CSMD3: variants seen among roughly 807,000 people sequenced by gnomAD.
CSMD3 encodes the protein CUB and sushi domain-containing protein 3.
A neutral mutation model predicts 435.2 loss-of-function variants in CSMD3; 177 were observed. The ratio of observed to expected loss-of-function variants is 0.41; its 90% confidence interval spans 0.36 to 0.46. The LOEUF (loss-of-function observed/expected upper bound fraction) is 0.46. Ranked by LOEUF, CSMD3 falls within the 20% of genes least tolerant of loss-of-function variation. CSMD3 has a pLI of 0.34. For synonymous variants in CSMD3, 1,656 were observed against 1,520.5 expected, an observed-to-expected ratio of 1.09 and a Z score of -2.07; for missense variants, 4,265 against 4,504.6, an observed-to-expected ratio of 0.95 and a Z score of 1.52.
chr8:112,493,145 G>C (rs942379600), intron 30 of CSMD3, among the ~76,000 whole-genome samples: 5 of 151,998 alleles, frequency 3.3e-5, no homozygotes, highest in South Asian at 2.1e-4. Context: ...GTGCATATCT[G>C]ACAAATTGCT....
chr8:112,368,898 A>G (rs1563850380), intron 38 of CSMD3, among the ~76,000 whole-genome samples: 1 of 152,202 alleles, frequency 6.6e-6, no homozygotes, highest in African/African-American at 2.4e-5. Context: ...AAATACCTCT[A>G]TGAAACATTT....
intron 6 of CSMD3, among the ~76,000 whole-genome samples, chr8:113,002,827 T>G (rs2085913881): frequency 6.6e-6 from 1 of 152,298 alleles, no homozygotes; most frequent in African/African-American, 2.4e-5. Flanking sequence ...ACAATTGACC[T>G]TTGTGTTTTT....
At chr8:112,349,522 T>C (rs1368013218) in intron 40 of CSMD3, among the ~76,000 whole-genome samples, 4 of 152,042 alleles carry the variant, frequency 2.6e-5, no homozygotes, top group African/African-American at 4.8e-5. Flanking sequence ...AAAAAACATA[T>C]TTATTTTACT....
intron 2 of CSMD3, chr8:113,312,926 C>G (rs770766555): frequency 6.6e-6 from 1 of 151,918 alleles, no homozygotes; most frequent in African/African-American, 2.4e-5. Context: ...ACTCGGTAAA[C>G]GAGTATAGAG....
At chr8:112,790,718 TA>T (rs1389148812) in intron 13 of CSMD3, among the ~76,000 whole-genome samples, 2 of 152,148 alleles carry the variant, frequency 1.3e-5, no homozygotes, top group African/African-American at 2.4e-5. Context: ...CTTCAACATT[TA>T]AAAAATGAAT....
intron 1 of CSMD3, among the ~76,000 whole-genome samples, chr8:113,372,806 C>T (rs1263858617): frequency 1.3e-5 from 2 of 151,746 alleles, no homozygotes; most frequent in Non-Finnish European, 2.9e-5. Context: ...TGGTGGCGGG[C>T]GCCTGTAGTC....
intron 24 of CSMD3, among the ~76,000 whole-genome samples, chr8:112,559,090 T>A (rs1166642829): frequency 6.6e-6 from 1 of 151,842 alleles, no homozygotes; most frequent in Non-Finnish European, 1.5e-5. Flanking sequence ...GCTTTCTGAA[T>A]GAATTTGCTA....
At chr8:113,406,605 T>G (rs1248696032) in intron 1 of CSMD3, among the ~76,000 whole-genome samples, 1 of 152,000 alleles carries the variant, frequency 6.6e-6, no homozygotes, top group Non-Finnish European at 1.5e-5. Context: ...TGTGTGTATG[T>G]GCATACATAA....
chr8:113,266,098 C>G (rs570175146), intron 3 of CSMD3, among the ~76,000 whole-genome samples: 22 of 149,148 alleles, frequency 1.5e-4, no homozygotes, highest in African/African-American at 5.4e-4. Flanking sequence ...TGACTTGATT[C>G]TAAATTGTAA....
At chr8:113,011,506 A>C (rs144725460) in intron 6 of CSMD3, among the ~76,000 whole-genome samples, 261 of 151,902 alleles carry the variant, frequency 1.7e-3, no homozygotes, top group African/African-American at 6.0e-3. Flanking sequence ...CAGAAATTTG[A>C]GACAGGAGGT....
chr8:112,403,610 G>C (rs1831517025), intron 35 of CSMD3, among the ~76,000 whole-genome samples: 1 of 152,058 alleles, frequency 6.6e-6, no homozygotes, highest in African/African-American at 2.4e-5. Flanking sequence ...CATGGTGGAA[G>C]GCTGAATATG....
intron 32 of CSMD3, among the ~76,000 whole-genome samples, chr8:112,461,912 T>C (rs1035780404): frequency 1.3e-5 from 2 of 152,172 alleles, no homozygotes; most frequent in Admixed American, 6.5e-5. Context: ...TCCCATACTT[T>C]AATTCTCTAG....
intron 28 of CSMD3, among the ~76,000 whole-genome samples, chr8:112,509,911 C>A (rs1319208750): frequency 6.6e-6 from 1 of 152,142 alleles, no homozygotes; most frequent in African/African-American, 2.4e-5. Context: ...ATATCTCTCT[C>A]TGTAGTCTAT....
intron 2 of CSMD3, among the ~76,000 whole-genome samples, chr8:113,300,453 G>A (rs1428380290): frequency 2.6e-5 from 4 of 152,144 alleles, no homozygotes; most frequent in Non-Finnish European, 4.4e-5. Flanking sequence ...TGCATCAACA[G>A]TTATGTGGTT....
intron 22 of CSMD3, among the ~76,000 whole-genome samples, chr8:112,593,766 TC>T (rs1478947022): frequency 6.6e-6 from 1 of 152,166 alleles, no homozygotes; most frequent in Non-Finnish European, 1.5e-5. Flanking sequence ...ATAATTGTCA[TC>T]AGTGTTAAAT....
chr8:112,695,611 C>T (rs544419890), intron 13 of CSMD3, among the ~76,000 whole-genome samples: 1 of 152,184 alleles, frequency 6.6e-6, no homozygotes, highest in Admixed American at 6.5e-5. Flanking sequence ...TATGAAAAAC[C>T]CACAGCCAAT....
intron 36 of CSMD3, among the ~76,000 whole-genome samples, chr8:112,386,790 C>T (rs544399917): frequency 2.6e-5 from 4 of 152,282 alleles, no homozygotes; most frequent in Admixed American, 6.5e-5. Context: ...AGCCACCGCG[C>T]CCGGCCCAAC....
chr8:112,794,285 CTTTTT>C (rs1203991072), intron 13 of CSMD3, among the ~76,000 whole-genome samples: 1 of 96,300 alleles, frequency 1.0e-5, no homozygotes, highest in Non-Finnish European at 2.0e-5. Flanking sequence ...GACTGATAAA[CTTTTT>C]TTTTTTTTTT....
intron 5 of CSMD3, among the ~76,000 whole-genome samples, chr8:113,043,024 A>G (rs905331645): frequency 6.6e-6 from 1 of 152,208 alleles, no homozygotes; most frequent in Non-Finnish European, 1.5e-5. Flanking sequence ...AAACAAAATT[A>G]TTATAATAGC....
Sources: allele counts gnomAD v4.1 joint callset (sites outside exome capture counted in the v4.1 genomes callset), GRCh38; gene constraint gnomAD v4.1.1; transcripts MANE v1.5; gene names NCBI Gene and HGNC (gene_info 2026-07-23, HGNC 2026-07-21).